Variants in KIFAP3 observed in about 807,000 individuals in gnomAD.
KIFAP3 encodes the protein kinesin-associated protein 3.
KIFAP3 carries 68 observed loss-of-function variants against 106.5 expected under a neutral mutation model. The observed-to-expected ratio is 0.64, with a 90% CI of 0.53 to 0.78. The LOEUF (loss-of-function observed/expected upper bound fraction) is 0.78. KIFAP3 is among the 30% of genes least tolerant of loss of function. The probability of loss-of-function intolerance (pLI) is 0.00; values close to 1 mark genes in which losing one functional copy is unlikely to be tolerated. For missense variants in KIFAP3, 780 were observed against 941.8 expected (o/e 0.83, Z 2.25); for synonymous variants, 320 against 311.5 (o/e 1.03, Z -0.29).
chr1:170,074,744 G>T, upstream of KIFAP3: 1 of 1,327,178 alleles, frequency 7.5e-7, no homozygotes, highest in South Asian at 1.7e-5. Context: ...TCTTGTATGC[G>T]CAGGCTCAGT....
At chr1:170,064,228 T>A (rs1671323766) in intron 1 of KIFAP3, among the ~76,000 whole-genome samples, 1 of 152,248 alleles carries the variant, frequency 6.6e-6, no homozygotes, top group Admixed American at 6.5e-5. Flanking sequence ...CCTATCTTTA[T>A]ACCTTTTCTA....
chr1:169,981,919 T>G, intron 15 of KIFAP3, 53 bp downstream of exon 15: 1 of 1,399,736 alleles, frequency 7.1e-7, no homozygotes, highest in Non-Finnish European at 9.8e-7. Context: ...TTTAAATATT[T>G]AAATCAATAA....
Position 170,045,952 on chromosome 1 carries a change from C to T in KIFAP3, c.319+760G>A, listed in dbSNP as rs76678970. On this transcript the variant is annotated intron_variant, in intron 3 of 19. Transcript: ENST00000361580. The stretch of plus-strand genomic sequence containing the variant: ...GGATCATTGAAAATGTTTTTCAGAC[C>T]CTGAGTTGCAGTGAAACAGCTGATG... Among the ~76,000 whole-genome samples the T allele has an allele frequency of 3.3e-5, 5 of 151,792 alleles. No homozygotes were observed. The East Asian group carries it at 9.7e-4, about 29-fold the overall frequency.
chr1:170,055,243 G>C, intron 2 of KIFAP3, 62 bp downstream of exon 2: 1 of 1,431,180 alleles, frequency 7.0e-7, no homozygotes, highest in Non-Finnish European at 9.5e-7. Context: ...AATAATATCA[G>C]ATTTGTATAA....
intron 18 of KIFAP3, among the ~76,000 whole-genome samples, chr1:169,958,776 T>C (rs1456763869): frequency 6.6e-6 from 1 of 152,164 alleles, no homozygotes; most frequent in Non-Finnish European, 1.5e-5. Context: ...ATTTCCTCTA[T>C]GGGTAAAAGT....
chr1:170,032,260 T>C (rs533643503), intron 7 of KIFAP3: 9 of 251,486 alleles, frequency 3.6e-5, no homozygotes, highest in South Asian at 1.1e-4. Flanking sequence ...CACCAAATAC[T>C]TGAATTCCCA....
chr1:169,969,632 C>T lies in KIFAP3; in HGVS notation c.1983+2881G>A, dbSNP rs192525938. Among the ~76,000 whole-genome samples the T allele has an allele frequency of 8.0e-4, 121 of 152,082 alleles. 1 individual carries two copies. The highest frequency in any genetic ancestry group is 2.8e-3 in the African/African-American group (116 of 41,534). The stretch of plus-strand genomic sequence containing the variant: ...GGTACCATTCAAAATCTCAGTGACA[C>T]GAACCTATGTCACTACTAAATCATA... On this transcript the variant is annotated intron_variant, in intron 17 of 19. Coordinates refer to ENST00000361580, the MANE Select transcript of KIFAP3 (RefSeq NM_014970.4).
In KIFAP3 at chr1:170,031,976, C is replaced by T. The variant is rs1025831456; in HGVS notation, c.751G>A (p.Asp251Asn). 5.6e-6 allele frequency: 9 copies of T among 1,601,340 alleles called. No individual in the cohort carries two copies. The South Asian group carries it at 1.0e-4, about 18-fold the overall frequency. The change falls in exon 8 of 20, where the codon GAC (aspartate) becomes AAC (asparagine). Residue 251 changes from aspartate (D) to asparagine (N), a missense_variant. Physicochemically the swap from Asp to Asn is conservative, Grantham distance 23 (BLOSUM62 1). Around this residue, in one of 3 missense-constraint regions of KIFAP3, gnomAD observed 588 missense variants for 678.9 expected, o/e 0.87. Coordinates refer to ENST00000361580, the MANE Select transcript of KIFAP3 (RefSeq NM_014970.4). ...TTTCTCAAGGTTTGGTTTTCAGGGT[C>T]TTCATCAAGTAAACAACTTGTTAAG... Reference protein sequence around the residue: ...LSKKKKAVDEDPENQTLRKDY... With the variant: ...LSKKKKAVDENPENQTLRKDY...
intron 1 of KIFAP3, among the ~76,000 whole-genome samples, chr1:170,081,784 C>T (rs1174532256): frequency 1.3e-5 from 2 of 152,176 alleles, no homozygotes; most frequent in Non-Finnish European, 2.9e-5. Flanking sequence ...TTAATCACAT[C>T]TATCAAGTTC....
At chr1:169,944,772 G>C (rs1375913493) in intron 19 of KIFAP3, among the ~76,000 whole-genome samples, 1 of 152,166 alleles carries the variant, frequency 6.6e-6, no homozygotes, top group Non-Finnish European at 1.5e-5. Flanking sequence ...GCTCCTTACA[G>C]CAAGCAGGTA....
chr1:170,000,861 G>A (rs531165345), intron 10 of KIFAP3, among the ~76,000 whole-genome samples: 1 of 152,140 alleles, frequency 6.6e-6, no homozygotes, highest in East Asian at 1.9e-4. Context: ...TAATTTATAG[G>A]TTACAAAGAT....
At chr1:169,996,190 T>G (rs1193115846) in intron 10 of KIFAP3, among the ~76,000 whole-genome samples, 1 of 152,124 alleles carries the variant, frequency 6.6e-6, no homozygotes, top group Non-Finnish European at 1.5e-5. Context: ...ACACTTATGG[T>G]CAAAGGTGAA....
chr1:170,000,604 T>C (rs138071214), intron 10 of KIFAP3, among the ~76,000 whole-genome samples: 1 of 152,280 alleles, frequency 6.6e-6, no homozygotes, highest in East Asian at 1.9e-4. Context: ...ATTGAAGCTA[T>C]ATCAGAACAT....
chr1:170,047,457 T>G (rs888606666), intron 2 of KIFAP3, among the ~76,000 whole-genome samples: 3 of 151,804 alleles, frequency 2.0e-5, no homozygotes, highest in Non-Finnish European at 4.4e-5. Flanking sequence ...CTGTCTCTAC[T>G]AAAGATACAA....
At position 169,984,700 on chromosome 1, in the gene KIFAP3, A is replaced by G. The variant is rs1666721714; in HGVS notation, c.1285-10T>C. The G allele has an allele frequency of 1.4e-6, 2 of 1,450,814 alleles. No homozygotes were observed. The highest frequency in any genetic ancestry group is 1.9e-6 in the Non-Finnish European group (2 of 1,039,162). 89.9% of individuals were successfully genotyped at this position (1,450,814 alleles called of 1,614,324 possible). A position where few individuals can be genotyped will look rare whatever the true frequency, so the allele number is the denominator to read the frequency against. ...ACAGCATCTTCATTAACTAGCAAGAAGCACAGGGCACATTTTACTCAAGAA... is the reference window on the plus strand; with the variant it reads ...ACAGCATCTTCATTAACTAGCAAGAGGCACAGGGCACATTTTACTCAAGAA... On this transcript the variant is annotated splice_polypyrimidine_tract_variant and intron_variant, in intron 11 of 19. Coordinates refer to ENST00000361580, the MANE Select transcript of KIFAP3 (RefSeq NM_014970.4).
chr1:169,988,240 A>C (rs2101923656), intron 11 of KIFAP3, among the ~76,000 whole-genome samples: 1 of 152,206 alleles, frequency 6.6e-6, no homozygotes, highest in South Asian at 2.1e-4. Context: ...TGTGATAGGC[A>C]GTACTTAAAA....
chr1:170,068,739 C>T (rs1671565735), intron 1 of KIFAP3: 1 of 151,664 alleles, frequency 6.6e-6, no homozygotes, highest in Admixed American at 6.6e-5. Context: ...CAAAGATAAA[C>T]TCAAACAGAT....
chr1:169,970,124 G>A (rs1278647280), intron 17 of KIFAP3, among the ~76,000 whole-genome samples: 1 of 151,910 alleles, frequency 6.6e-6, no homozygotes, highest in Non-Finnish European at 1.5e-5. Context: ...TTGCCTTCAT[G>A]GAAGAGAAAA....
chr1:170,055,201 G>T, intron 2 of KIFAP3, 104 bp downstream of exon 2: 1 of 948,664 alleles, frequency 1.1e-6, no homozygotes, highest in Non-Finnish European at 1.5e-6. Flanking sequence ...ATGCCTGGAA[G>T]AATGCCATAA....
Sources: allele counts gnomAD v4.1 joint callset (sites outside exome capture counted in the v4.1 genomes callset), GRCh38; gene constraint gnomAD v4.1.1; regional missense constraint gnomAD v4.1.1; transcripts MANE v1.5; gene names NCBI Gene and HGNC (gene_info 2026-07-23, HGNC 2026-07-21).